Variants in PPP5C observed in about 807,000 individuals in gnomAD.
PPP5C encodes the protein serine/threonine-protein phosphatase 5.
In PPP5C, 21 loss-of-function variants were observed where a neutral mutation model predicts 66.7. The ratio of observed to expected loss-of-function variants is 0.31; its 90% confidence interval spans 0.22 to 0.45. PPP5C has a LOEUF of 0.45. Among genes scored for constraint, PPP5C ranks in the 20% least tolerant of loss-of-function variants. PPP5C has a pLI of 1.00. For missense variants in PPP5C, 464 were observed against 675.9 expected (o/e 0.69, Z 3.48); for synonymous variants, 246 against 257.4 (o/e 0.96, Z 0.43).
At chr19:46,372,991 C>T (rs1031879807) in intron 2 of PPP5C, among the ~76,000 whole-genome samples, 8 of 152,244 alleles carry the variant, frequency 5.3e-5, no homozygotes, top group African/African-American at 1.9e-4. Flanking sequence ...TTGGGATGAG[C>T]ACTTGCCTGC....
At chr19:46,348,071 G>A (rs75093468) in intron 1 of PPP5C, among the ~76,000 whole-genome samples, 1,913 of 152,220 alleles carry the variant, frequency 0.013, 18 homozygotes, top group Non-Finnish European at 0.02. Context: ...ATAGGGTAGT[G>A]GGGGAAGGCC....
rs1476858111 is a variant in PPP5C at position 46,367,632 on chromosome 19, G to C, written c.364-7972G>C. 3.9e-5 allele frequency among the ~76,000 whole-genome samples: 6 copies of C among 152,292 alleles called. No homozygotes were observed. In the East Asian group the frequency reaches 1.2e-3, roughly 29 times the overall value. On this transcript the variant is annotated intron_variant, in intron 2 of 12. Transcript: ENST00000012443. ...AATACTTTGAGAAGCAGATTTATGAGGGGGCCCCGGCATCCCTGGTTGCTC... is the reference window on the plus strand; with the variant it reads ...AATACTTTGAGAAGCAGATTTATGACGGGGCCCCGGCATCCCTGGTTGCTC...
chr19:46,390,582 G>C lies in PPP5C; in HGVS notation c.*236G>C. 1.4e-6 allele frequency: 2 copies of C among 1,391,056 alleles called. No individual in the cohort carries two copies. The highest frequency in any genetic ancestry group is 3.1e-5 in the South Asian group (2 of 65,354). The allele number at this position is 1,391,056 out of a possible 1,614,324, so 86.2% of individuals were successfully genotyped here. On this transcript the variant is annotated 3_prime_UTR_variant, in exon 13 of 13. Transcript: ENST00000012443. ...GGAGGTGGAGCAGCTGGGGCTGGGG[G>C]CACAGCCTGGGCATTCTGTGGGGAG...
At chr19:46,387,488 A>AG in intron 9 of PPP5C, 35 bp downstream of exon 9, 1 of 1,614,000 alleles carries the variant, frequency 6.2e-7, no homozygotes, top group Non-Finnish European at 8.5e-7. Flanking sequence ...TCCAGCAGAA[A>AG]GGGGCAGCCT....
intron 2 of PPP5C, among the ~76,000 whole-genome samples, chr19:46,354,807 A>AT (rs954427415): frequency 6.6e-6 from 1 of 151,960 alleles, no homozygotes; most frequent in African/African-American, 2.4e-5. Context: ...AAAAAAAAAA[A>AT]CAAGAAGGGT....
rs1478451644 is a variant in PPP5C at position 46,361,046 on chromosome 19, TC to T, written c.363+7058del. Among the ~76,000 whole-genome samples the T allele has an allele frequency of 2.6e-5, 4 of 152,258 alleles. No homozygotes were observed. The East Asian group carries it at 7.7e-4, about 29-fold the overall frequency. ...TCTCCCTCTCCCCTTTTTTGTTTTTTCTGTGTTGTTTGTTTGTTTGTTTTTT... is the reference window on the plus strand; with the variant it reads ...TCTCCCTCTCCCCTTTTTTGTTTTTTTGTGTTGTTTGTTTGTTTGTTTTTT... On this transcript the variant is annotated intron_variant, in intron 2 of 12. Transcript: ENST00000012443.
Position 46,347,115 on chromosome 19 carries a change from G to C in PPP5C, c.19G>C (p.Glu7Gln), listed in dbSNP as rs1972094892. The C allele has an allele frequency of 2.5e-6, 4 of 1,603,950 alleles. No homozygotes were observed. The East Asian group carries it at 9.0e-5, about 36-fold the overall frequency. MAMAEG[E>Q]RTECAEPPRD... Reference sequence around the variant, plus strand: ...TTGCGGCATGGCGATGGCGGAGGGCGAGAGGACTGAGTGTGCTGAGCCCCC... The same window carrying C: ...TTGCGGCATGGCGATGGCGGAGGGCCAGAGGACTGAGTGTGCTGAGCCCCC... Residue 7 changes from glutamate to glutamine, a missense_variant, in exon 1 of 13, where the codon GAG becomes CAG. Around this residue, in one of 2 missense-constraint regions of PPP5C, gnomAD observed 77 missense variants for 49.9 expected, o/e 1.54. Transcript: ENST00000012443.
rs774053368 is a variant in PPP5C at position 46,353,969 on chromosome 19, G to A, written c.343G>A (p.Ala115Thr). Residue 115 changes from alanine (A) to threonine (T), a missense_variant, in exon 2 of 13, where the codon GCG becomes ACG. Ala to Thr is a moderately conservative substitution (Grantham distance 58). This residue lies in a region of PPP5C where 387 missense variants were observed against 626.0 expected (regional missense o/e 0.62). Transcript: ENST00000012443. ...CATGGCACTGGGCAAGTTCCGGGCC[G>A]CGCTGCGAGACTACGAGACGGTGAG... ...SNMALGKFRA[A>T]LRDYETVVKV... 11 of 1,610,304 alleles carry A rather than the reference G, an allele frequency of 6.8e-6. No individual in the cohort carries two copies. The highest frequency in any genetic ancestry group is 2.2e-5 in the South Asian group (2 of 90,348).
chr19:46,386,598 G>A lies in PPP5C; in HGVS notation c.905-495G>A, dbSNP rs560436741. On this transcript the variant is annotated intron_variant, in intron 7 of 12. Coordinates refer to ENST00000012443, the MANE Select transcript of PPP5C (RefSeq NM_006247.4). Reference sequence around the variant, plus strand: ...CAGGGTGGGGTGGGCTGGGGCACATGTTCTGTAGATGGGCCTACTTTTTGG... The same window carrying A: ...CAGGGTGGGGTGGGCTGGGGCACATATTCTGTAGATGGGCCTACTTTTTGG... 4.1e-5 allele frequency: 7 copies of A among 170,004 alleles called. No individual in the cohort carries two copies. The East Asian group carries it at 1.1e-3, about 26-fold the overall frequency. The allele number at this position is 170,004 out of a possible 1,614,324, so 10.5% of individuals were successfully genotyped here. A position where few individuals can be genotyped will look rare whatever the true frequency, so the allele number is the denominator to read the frequency against.
chr19:46,378,598 C>A (rs940412257), intron 4 of PPP5C, among the ~76,000 whole-genome samples: 4 of 152,138 alleles, frequency 2.6e-5, no homozygotes, highest in Non-Finnish European at 5.9e-5. Flanking sequence ...CCCTATAATT[C>A]TCAGTTTTTT....
At chr19:46,386,493 G>A (rs1366092241) in intron 7 of PPP5C, among the ~76,000 whole-genome samples, 1 of 152,118 alleles carries the variant, frequency 6.6e-6, no homozygotes, top group East Asian at 1.9e-4. Flanking sequence ...TGCGAGACTG[G>A]GCAGCCTTCT....
chr19:46,355,281 CG>C (rs66939862), intron 2 of PPP5C, among the ~76,000 whole-genome samples: 37,367 of 152,040 alleles, frequency 0.25, 4,790 homozygotes, highest in African/African-American at 0.3. Flanking sequence ...TCCTGCCCCC[CG>C]ACACAGACAC....
chr19:46,389,194 C>T (rs1972947065), intron 11 of PPP5C, among the ~76,000 whole-genome samples: 1 of 151,602 alleles, frequency 6.6e-6, no homozygotes, highest in African/African-American at 2.4e-5. Context: ...CGTGGTGGCA[C>T]ACACCCGTAA....
chr19:46,356,167 G>A (rs1166014486), intron 2 of PPP5C, among the ~76,000 whole-genome samples: 1 of 152,184 alleles, frequency 6.6e-6, no homozygotes, highest in Non-Finnish European at 1.5e-5. Context: ...AGGGGGTGGG[G>A]AATTCAGAGT....
At position 46,376,465 on chromosome 19, in the gene PPP5C, A is replaced by T; in HGVS notation, c.524A>T (p.Glu175Val). Residue 175 changes from glutamate to valine, a missense_variant, in exon 4 of 13, where the codon GAG becomes GTG. Around this residue, in one of 2 missense-constraint regions of PPP5C, gnomAD observed 387 missense variants for 626.0 expected, o/e 0.62. Coordinates refer to ENST00000012443, the MANE Select transcript of PPP5C (RefSeq NM_006247.4). The surrounding 1 kb of genome is among the most constrained non-coding windows in gnomAD (Gnocchi z 5.1). ...GTTCACACCCTAGCCATTGAGGATG[A>T]GTACAGCGGACCCAAGCTTGAAGAC... ...LDIESMTIED[E>V]YSGPKLEDGK... 6.2e-7 allele frequency: 1 copy of T among 1,613,686 alleles called. No homozygotes were observed. The highest frequency in any genetic ancestry group is 8.5e-7 in the Non-Finnish European group (1 of 1,179,764).
At chr19:46,357,257 A>G (rs963406290) in intron 2 of PPP5C, among the ~76,000 whole-genome samples, 1 of 152,202 alleles carries the variant, frequency 6.6e-6, no homozygotes, top group African/African-American at 2.4e-5. Flanking sequence ...CATGTTGCCC[A>G]GGCTGGTCTC....
At chr19:46,353,691 G>C in intron 1 of PPP5C, 57 bp from the exon 2 acceptor site, 1 of 1,606,420 alleles carries the variant, frequency 6.2e-7, no homozygotes, top group Non-Finnish European at 8.5e-7. Context: ...ACCCAGCCCA[G>C]GGCCTGTCCT....
At chr19:46,379,653 T>A (rs1972756743) in intron 4 of PPP5C, among the ~76,000 whole-genome samples, 1 of 152,236 alleles carries the variant, frequency 6.6e-6, no homozygotes, top group Non-Finnish European at 1.5e-5. Context: ...GAATCAGGAA[T>A]CTTTTAGCAT....
rs147423699 is a variant in PPP5C at position 46,366,116 on chromosome 19, A to T, written c.364-9488A>T. ...CCAGTGAACCTGTGGAATTGGAGGA[A>T]CACAGTGGGTTTGTTCTGGTACTGA... On this transcript the variant is annotated intron_variant, in intron 2 of 12. Coordinates refer to ENST00000012443, the MANE Select transcript of PPP5C (RefSeq NM_006247.4). Among the ~76,000 whole-genome samples, 15 of 152,258 alleles carry T rather than the reference A, an allele frequency of 9.9e-5. No individual in the cohort carries two copies. In the East Asian group the frequency reaches 2.9e-3, roughly 29 times the overall value.
Sources: gnomAD v4.1 joint callset for allele counts (sites outside exome capture counted in the v4.1 genomes callset) on GRCh38, gnomAD v4.1.1 for gene constraint, gnomAD v4.1.1 regional missense constraint, Gnocchi (gnomAD v3.1) non-coding constraint, MANE v1.5 for transcripts, NCBI Gene and HGNC (gene_info 2026-07-23, HGNC 2026-07-21) for gene names.